Variants in CNTN5 observed in about 807,000 individuals in gnomAD.
CNTN5 encodes contactin-5.
Under a neutral mutation model 129.1 loss-of-function variants are expected in CNTN5, and 77 were observed. The ratio of observed to expected loss-of-function variants is 0.60; its 90% confidence interval spans 0.50 to 0.72. The LOEUF is 0.72. CNTN5 is among the 30% of genes least tolerant of loss of function. The pLI is 0.00. For missense variants in CNTN5, 1,478 were observed against 1,328.8 expected (o/e 1.11, Z -1.75); for synonymous variants, 509 against 465.6 (o/e 1.09, Z -1.20).
At chr11:99,436,008 T>A (rs144185426) in intron 2 of CNTN5, among the ~76,000 whole-genome samples, 115 of 152,322 alleles carry the variant, frequency 7.5e-4, no homozygotes, top group African/African-American at 2.6e-3. Flanking sequence ...CAAATTTTCA[T>A]AGACATTTCA....
At chr11:99,494,986 T>C (rs1230863834) in intron 2 of CNTN5, among the ~76,000 whole-genome samples, 2 of 152,228 alleles carry the variant, frequency 1.3e-5, no homozygotes, top group African/African-American at 4.8e-5. Flanking sequence ...ATATAAACTT[T>C]TATAGATAAA....
chr11:100,328,221 T>C (rs1591517839), intron 21 of CNTN5, among the ~76,000 whole-genome samples: 1 of 152,014 alleles, frequency 6.6e-6, no homozygotes, highest in South Asian at 2.1e-4. Flanking sequence ...CTGGGTGTGT[T>C]GGCGCACACC....
chr11:100,079,495 C>G (rs1343141483), intron 13 of CNTN5, among the ~76,000 whole-genome samples: 4 of 152,162 alleles, frequency 2.6e-5, no homozygotes, highest in Non-Finnish European at 5.9e-5. Flanking sequence ...ATCTCCCTTA[C>G]CTATTTCTAG....
chr11:99,644,871 G>A (rs553742266), intron 3 of CNTN5, among the ~76,000 whole-genome samples: 2 of 151,870 alleles, frequency 1.3e-5, no homozygotes, highest in Non-Finnish European at 2.9e-5. Context: ...AATAAATACA[G>A]CTTTAGATTC....
At chr11:100,321,144 A>G (rs1178198165) in intron 21 of CNTN5, among the ~76,000 whole-genome samples, 1 of 152,134 alleles carries the variant, frequency 6.6e-6, no homozygotes, top group Non-Finnish European at 1.5e-5. Flanking sequence ...CCTTTTAGAT[A>G]CTATGGACAT....
At chr11:99,323,056 G>T (rs970726792) in intron 1 of CNTN5, among the ~76,000 whole-genome samples, 2 of 152,086 alleles carry the variant, frequency 1.3e-5, no homozygotes, top group African/African-American at 4.8e-5. Context: ...ATATAGGTTG[G>T]CAAAGGTCAT....
chr11:99,544,684 G>T (rs539437328), intron 2 of CNTN5, among the ~76,000 whole-genome samples: 66 of 152,220 alleles, frequency 4.3e-4, no homozygotes, highest in African/African-American at 1.4e-3. Flanking sequence ...ATGAAATCAG[G>T]TAACTGGTTC....
intron 1 of CNTN5, among the ~76,000 whole-genome samples, chr11:99,286,248 C>A (rs966755980): frequency 2.6e-5 from 4 of 152,148 alleles, no homozygotes; most frequent in Admixed American, 2.6e-4. Context: ...ATGTGTTACA[C>A]ACACAACTTT....
chr11:99,540,715 C>G (rs1231151279), intron 2 of CNTN5, among the ~76,000 whole-genome samples: 2 of 152,144 alleles, frequency 1.3e-5, no homozygotes, highest in African/African-American at 4.8e-5. Context: ...TACTCAACTG[C>G]TAAAGCAGTC....
intron 1 of CNTN5, among the ~76,000 whole-genome samples, chr11:99,193,376 C>G (rs1167747915): frequency 6.6e-6 from 1 of 152,150 alleles, no homozygotes; most frequent in East Asian, 1.9e-4. Flanking sequence ...GAATTGTGCA[C>G]TGTGTGCTGT....
chr11:99,231,595 A>G (rs983909360), intron 1 of CNTN5, among the ~76,000 whole-genome samples: 1 of 152,080 alleles, frequency 6.6e-6, no homozygotes, highest in Non-Finnish European at 1.5e-5. Context: ...CCCATTCTGT[A>G]GGTTGTCTGT....
intron 9 of CNTN5, among the ~76,000 whole-genome samples, chr11:100,054,067 T>C (rs1236703659): frequency 1.3e-5 from 2 of 151,710 alleles, no homozygotes; most frequent in Non-Finnish European, 3.0e-5. Flanking sequence ...GGTGAAATAA[T>C]TGGGAAGAGA....
At chr11:99,936,831 G>C (rs1475635012) in intron 7 of CNTN5, among the ~76,000 whole-genome samples, 1 of 152,090 alleles carries the variant, frequency 6.6e-6, no homozygotes, top group African/African-American at 2.4e-5. Flanking sequence ...TTAACAACAG[G>C]CAAGGCAGGG....
intron 3 of CNTN5, among the ~76,000 whole-genome samples, chr11:99,578,079 T>C (rs1328143085): frequency 1.3e-5 from 2 of 149,844 alleles, no homozygotes; most frequent in Non-Finnish European, 3.0e-5. Context: ...ACATGCGGTG[T>C]TTGGTTTTTT....
intron 2 of CNTN5, among the ~76,000 whole-genome samples, chr11:99,541,334 C>A (rs890837323): frequency 1.3e-5 from 2 of 152,090 alleles, no homozygotes; most frequent in Non-Finnish European, 2.9e-5. Flanking sequence ...AAATACAGTT[C>A]ATCTCTTGTT....
intron 13 of CNTN5, among the ~76,000 whole-genome samples, chr11:100,120,055 A>C (rs1945962295): frequency 6.6e-6 from 1 of 150,746 alleles, no homozygotes; most frequent in Admixed American, 6.7e-5. Context: ...CATATTAATT[A>C]ATGTAACCAC....
chr11:99,368,418 G>A (rs1939596900), intron 2 of CNTN5, among the ~76,000 whole-genome samples: 1 of 151,646 alleles, frequency 6.6e-6, no homozygotes, highest in Non-Finnish European at 1.5e-5. Context: ...GAGGCAGGAG[G>A]ATCACTTGAG....
At chr11:99,051,098 G>A (rs1864409703) in intron 1 of CNTN5, among the ~76,000 whole-genome samples, 1 of 151,868 alleles carries the variant, frequency 6.6e-6, no homozygotes, top group Admixed American at 6.6e-5. Context: ...GGAAGTAAAA[G>A]AATCCCTATA....
At chr11:99,242,917 C>T (rs577205397) in intron 1 of CNTN5, among the ~76,000 whole-genome samples, 5 of 152,162 alleles carry the variant, frequency 3.3e-5, no homozygotes, top group Admixed American at 6.5e-5. Context: ...CCAGGTCTTT[C>T]CTATGGTGGA....
Sources: gnomAD v4.1 joint callset for allele counts (sites outside exome capture counted in the v4.1 genomes callset) on GRCh38, gnomAD v4.1.1 for gene constraint, MANE v1.5 for transcripts, NCBI Gene and HGNC (gene_info 2026-07-23, HGNC 2026-07-21) for gene names.